ANK3: variants seen among roughly 807,000 people sequenced by gnomAD.
ANK3 encodes the protein ankyrin-3.
A neutral mutation model predicts 370.9 loss-of-function variants in ANK3; 57 were observed. The ratio of observed to expected loss-of-function variants is 0.15; its 90% confidence interval spans 0.12 to 0.19. The LOEUF (loss-of-function observed/expected upper bound fraction) is 0.19, where lower values mean the gene tolerates loss of function less well. Among genes scored for constraint, ANK3 ranks in the 10% least tolerant of loss-of-function variants. The pLI, the probability that ANK3 is intolerant of heterozygous loss-of-function variation, is 1.00. For synonymous variants in ANK3, 1,929 were observed against 1,946.3 expected, an observed-to-expected ratio of 0.99 and a Z score of 0.23; for missense variants, 4,439 against 5,302.1, an observed-to-expected ratio of 0.84 and a Z score of 5.06.
At chr10:60,472,673 T>C (rs1252533401) in intron 2 of ANK3, among the ~76,000 whole-genome samples, 1 of 152,130 alleles carries the variant, frequency 6.6e-6, no homozygotes, top group African/African-American at 2.4e-5. Flanking sequence ...AGAAGCAACA[T>C]TGTTACTTTG....
chr10:60,719,717 T>C (rs542644894), intron 1 of ANK3, among the ~76,000 whole-genome samples: 2 of 152,204 alleles, frequency 1.3e-5, no homozygotes. Context: ...GTTCTTTGCA[T>C]AATAGAGATA....
intron 1 of ANK3, among the ~76,000 whole-genome samples, chr10:60,303,193 C>T (rs781255881): frequency 1.3e-5 from 2 of 151,864 alleles, no homozygotes; most frequent in Non-Finnish European, 2.9e-5. Context: ...GCCACAAAAG[C>T]GAAAATTATT....
At chr10:60,306,428 C>CATATATATATATATATATATAT (rs753175801) in intron 1 of ANK3, among the ~76,000 whole-genome samples, 7 of 112,036 alleles carry the variant, frequency 6.2e-5, no homozygotes, top group African/African-American at 2.7e-4. Flanking sequence ...GGTGTATGTG[C>CATATATATATATATATATATAT]ATATATATAT....
At position 60,071,171 on chromosome 10, in the gene ANK3, C is replaced by T; in HGVS notation, c.9710G>A (p.Ser3237Asn). The change falls in exon 37 of 44, where the codon AGC becomes AAC. Residue 3237 changes from serine (S) to asparagine (N), a missense_variant. Transcript: ENST00000280772. ...TTTGGGTCTTTGGTTAGAGTCTTTG[C>T]TCACGTCATTAGGCATTTCACGCTC... Reference protein sequence around the residue: ...AVEREMPNDVSKDSNQRPKNN... With the variant: ...AVEREMPNDVNKDSNQRPKNN... The T allele has an allele frequency of 6.2e-7, 1 of 1,614,092 alleles. No homozygotes were observed. The highest frequency in any genetic ancestry group is 2.2e-5 in the East Asian group (1 of 44,892).
chr10:60,733,244 G>C, intron 1 of ANK3: 1 of 1,240,866 alleles, frequency 8.1e-7, no homozygotes, highest in Non-Finnish European at 1.0e-6. Flanking sequence ...CGCAGGTAGG[G>C]GGGCGGCGCG....
chr10:60,256,829 C>T (rs1236546759), intron 7 of ANK3, among the ~76,000 whole-genome samples: 1 of 152,166 alleles, frequency 6.6e-6, no homozygotes, highest in Non-Finnish European at 1.5e-5. Flanking sequence ...CTGTGTGGTA[C>T]TCCATAGTAT....
At chr10:60,402,295 A>T (rs10994327) in intron 2 of ANK3, among the ~76,000 whole-genome samples, 29,698 of 150,526 alleles carry the variant, frequency 0.2, 3,446 homozygotes, top group South Asian at 0.31. Flanking sequence ...GAATATAAAT[A>T]AAAAAATGCA....
At chr10:60,650,800 TGGGCCCAGC>T (rs1160461363) in intron 1 of ANK3, among the ~76,000 whole-genome samples, 1 of 152,206 alleles carries the variant, frequency 6.6e-6, no homozygotes, top group Admixed American at 6.5e-5. Flanking sequence ...ATTATGTATC[TGGGCCCAGC>T]ATGGTAGCTC....
At chr10:60,325,365 A>C (rs2049588379) in intron 1 of ANK3, among the ~76,000 whole-genome samples, 1 of 152,178 alleles carries the variant, frequency 6.6e-6, no homozygotes, top group Non-Finnish European at 1.5e-5. Context: ...ACTTTTGGCC[A>C]ATGGGTGGTA....
At chr10:60,081,488 G>A (rs769545304) in intron 35 of ANK3, 83 of 437,920 alleles carry the variant, frequency 1.9e-4, no homozygotes, top group Admixed American at 8.1e-5. Context: ...ATAACTTAGA[G>A]AAACATTAGG....
At chr10:60,396,069 T>A (rs2063232403) in intron 2 of ANK3, among the ~76,000 whole-genome samples, 1 of 152,148 alleles carries the variant, frequency 6.6e-6, no homozygotes, top group Non-Finnish European at 1.5e-5. Flanking sequence ...GCTACTACTG[T>A]TAGTGCTGGT....
chr10:60,620,171 T>C (rs563152326), intron 1 of ANK3, among the ~76,000 whole-genome samples: 55 of 152,326 alleles, frequency 3.6e-4, no homozygotes, highest in African/African-American at 1.3e-3. Flanking sequence ...AGATCTTGCA[T>C]TGGTGACTTT....
intron 2 of ANK3, among the ~76,000 whole-genome samples, chr10:60,452,975 ATCT>A (rs1399298774): frequency 1.3e-5 from 2 of 152,206 alleles, no homozygotes; most frequent in East Asian, 1.9e-4. Flanking sequence ...TCAGTCAGAC[ATCT>A]TCTCTGCTTC....
At chr10:60,239,678 G>A (rs1259050442) in intron 7 of ANK3, among the ~76,000 whole-genome samples, 1 of 152,098 alleles carries the variant, frequency 6.6e-6, no homozygotes, top group Non-Finnish European at 1.5e-5. Context: ...ACCAAGAAAT[G>A]AAGGGCTCTG....
At chr10:60,440,536 C>G (rs2064274974) in intron 2 of ANK3, among the ~76,000 whole-genome samples, 2 of 152,030 alleles carry the variant, frequency 1.3e-5, no homozygotes, top group South Asian at 4.1e-4. Context: ...TGGGGGGAAC[C>G]ACCCCCATGA....
intron 2 of ANK3, among the ~76,000 whole-genome samples, chr10:60,408,900 G>A (rs2063505858): frequency 6.6e-6 from 1 of 152,108 alleles, no homozygotes; most frequent in Admixed American, 6.5e-5. Context: ...GTGGTTCTGA[G>A]ATCAGTTAAT....
intron 2 of ANK3, among the ~76,000 whole-genome samples, chr10:60,414,640 C>G (rs1333659878): frequency 1.3e-5 from 2 of 152,128 alleles, no homozygotes; most frequent in Non-Finnish European, 2.9e-5. Context: ...TGCCTTCTCT[C>G]CTACGTGCCA....
At chr10:60,316,908 A>G (rs925270253) in intron 1 of ANK3, among the ~76,000 whole-genome samples, 17 of 151,806 alleles carry the variant, frequency 1.1e-4, no homozygotes, top group Admixed American at 2.6e-4. Flanking sequence ...CACCACGCCC[A>G]ACTAATTTTT....
intron 1 of ANK3, among the ~76,000 whole-genome samples, chr10:60,318,284 T>A (rs115677792): frequency 6.6e-6 from 1 of 152,208 alleles, no homozygotes; most frequent in Non-Finnish European, 1.5e-5. Context: ...AATTATCTAC[T>A]CAACACCCAG....
Sources: gnomAD v4.1 joint callset for allele counts (sites outside exome capture counted in the v4.1 genomes callset) on GRCh38, gnomAD v4.1.1 for gene constraint, MANE v1.5 for transcripts, NCBI Gene and HGNC (gene_info 2026-07-23, HGNC 2026-07-21) for gene names.